TYMS: variants seen among roughly 807,000 people sequenced by gnomAD.
TYMS encodes the protein thymidylate synthase.
A neutral mutation model predicts 39.3 loss-of-function variants in TYMS; 21 were observed. The observed-to-expected ratio is 0.54, with a 90% CI of 0.38 to 0.77. The LOEUF is 0.77. Ranked by LOEUF, TYMS falls within the 30% of genes least tolerant of loss-of-function variation. TYMS has a pLI of 0.00. For synonymous variants in TYMS, 171 were observed against 162.2 expected, an observed-to-expected ratio of 1.05 and a Z score of -0.41; for missense variants, 273 against 406.7, an observed-to-expected ratio of 0.67 and a Z score of 2.83.
chr18:658,332 CCCT>C lies in TYMS; in HGVS notation c.205+391_205+393del. On this transcript the variant is annotated intron_variant, in intron 1 of 6. Transcript: ENST00000323274. This position sits in a 1 kb window ranked among gnomAD's most constrained non-coding sequence, Gnocchi z 4.5. ...CCGGTCTCAAAGTCCTGGCTTTGGCCCCTCCTCCGTTTTCCCCTGTGGACCATT... is the reference window on the plus strand; with the variant it reads ...CCGGTCTCAAAGTCCTGGCTTTGGCCCCTCCGTTTTCCCCTGTGGACCATT... The C allele has an allele frequency of 7.4e-7, 1 of 1,351,038 alleles. No homozygotes were observed. The highest frequency in any genetic ancestry group is 9.8e-7 in the Non-Finnish European group (1 of 1,022,566). 83.7% of individuals were successfully genotyped at this position (1,351,038 alleles called of 1,614,324 possible).
At position 672,846 on chromosome 18, in the gene TYMS, T is replaced by C. The variant is rs758969207; in HGVS notation, c.805-14T>C. The C allele has an allele frequency of 5.2e-6, 8 of 1,549,384 alleles. No individual in the cohort carries two copies. In the East Asian group the frequency reaches 1.4e-4, roughly 26 times the overall value. ...TACAATTATGGCAAAATAATGGCCT[T>C]ATTTTGTTTTTAGCTTCAGCGAGAA... On this transcript the variant is annotated splice_polypyrimidine_tract_variant and intron_variant, in intron 6 of 6. Coordinates refer to ENST00000323274, the MANE Select transcript of TYMS (RefSeq NM_001071.4).
At chr18:672,793 G>T in intron 6 of TYMS, 67 bp from the exon 7 acceptor site, 2 of 1,480,380 alleles carry the variant, frequency 1.4e-6, no homozygotes, top group South Asian at 1.4e-5. Flanking sequence ...CTTGTTTCAC[G>T]GACATGAGGA....
intron 3 of TYMS, chr18:667,597 ATGGTGATGGTGATGGAGATGGGTGATGG>A (rs1598470361): frequency 1.9e-5 from 2 of 104,012 alleles, no homozygotes; most frequent in East Asian, 3.9e-4. Context: ...GGTGATGGTG[ATGGTGATGGTGATGGAGATGGGTGATGG>A]TGATGGTTGC....
Position 658,493 on chromosome 18 carries a change from A to G in TYMS, c.205+546A>G. 5.2e-6 allele frequency: 2 copies of G among 385,726 alleles called. No homozygotes were observed. The highest frequency in any genetic ancestry group is 4.3e-5 in the South Asian group (2 of 46,326). The allele number at this position is 385,726 out of a possible 1,614,324, so 23.9% of individuals were successfully genotyped here. On this transcript the variant is annotated intron_variant, in intron 1 of 6. Transcript: ENST00000323274. The surrounding 1 kb of genome is among the most constrained non-coding windows in gnomAD (Gnocchi z 4.5). Reference sequence around the variant, plus strand: ...GCCTCCCATCCAATCCCCACGAACCAGCTTTCCTCTTAAACCTTGAAAAGA... The same window carrying G: ...GCCTCCCATCCAATCCCCACGAACCGGCTTTCCTCTTAAACCTTGAAAAGA...
rs750740109 is a variant in TYMS at position 658,361 on chromosome 18, C to G, written c.205+414C>G. 2.7e-4 allele frequency: 349 copies of G among 1,296,724 alleles called. 1 individual carries two copies. The highest frequency in any genetic ancestry group is 3.5e-4 in the Non-Finnish European group (343 of 994,000). The allele number at this position is 1,296,724 out of a possible 1,614,324, so 80.3% of individuals were successfully genotyped here. On this transcript the variant is annotated intron_variant, in intron 1 of 6. Coordinates refer to ENST00000323274, the MANE Select transcript of TYMS (RefSeq NM_001071.4). This position sits in a 1 kb window ranked among gnomAD's most constrained non-coding sequence, Gnocchi z 4.5. The stretch of plus-strand genomic sequence containing the variant: ...CCTCCGTTTTCCCCTGTGGACCATT[C>G]CGCTTCGCAGCGTTTTCAAAAACTG...
chr18:671,308 C>A, intron 5 of TYMS, 72 bp from the exon 6 acceptor site: 3 of 1,025,476 alleles, frequency 2.9e-6, no homozygotes, highest in Non-Finnish European at 3.1e-6. Context: ...TCTGCATATT[C>A]TAATGTTTTT....
At position 657,756 on chromosome 18, in the gene TYMS, G is replaced by A. The variant is rs2144250559; in HGVS notation, c.14G>A (p.Gly5Asp). The A allele has an allele frequency of 7.1e-7, 1 of 1,417,474 alleles. No homozygotes were observed. The highest frequency in any genetic ancestry group is 9.1e-7 in the Non-Finnish European group (1 of 1,095,674). The allele number at this position is 1,417,474 out of a possible 1,614,324, so 87.8% of individuals were successfully genotyped here. A position where few individuals can be genotyped will look rare whatever the true frequency, so the allele number is the denominator to read the frequency against. Residue 5 changes from glycine to aspartate, a missense_variant, in exon 1 of 7, where the codon GGC (glycine) becomes GAC (aspartate). Gly to Asp is a moderately conservative substitution (Grantham distance 94). Around this residue, in one of 3 missense-constraint regions of TYMS, gnomAD observed 228 missense variants for 326.1 expected, o/e 0.70. Coordinates refer to ENST00000323274, the MANE Select transcript of TYMS (RefSeq NM_001071.4). Reference protein sequence around the residue: MPVAGSELPRRPLPP... With the variant: MPVADSELPRRPLPP... ...GCCCGCCGCGCCATGCCTGTGGCCG[G>A]CTCGGAGCTGCCGCGCCGGCCCTTG...
Position 670,748 on chromosome 18 carries a change from AAC to A in TYMS, c.615_616del (p.Asn205LysfsTer2). The A allele has an allele frequency of 6.2e-7, 1 of 1,614,102 alleles. No individual in the cohort carries two copies. The highest frequency in any genetic ancestry group is 8.5e-7 in the Non-Finnish European group (1 of 1,180,012). On this transcript the variant is annotated frameshift_variant, in exon 5 of 7. Coordinates refer to ENST00000323274, the MANE Select transcript of TYMS (RefSeq NM_001071.4). LOFTEE classifies it high-confidence loss of function. ...CHALCQFYVV[N>X]SELSCQLYQR... Reference sequence around the variant, plus strand: ...TGCCCTCTGCCAGTTCTATGTGGTGAACAGTGAGCTGTCCTGCCAGCTGTACC... The same window carrying A: ...TGCCCTCTGCCAGTTCTATGTGGTGAAGTGAGCTGTCCTGCCAGCTGTACC...
rs1398586418 is a variant in TYMS, at chr18:658,338, T to G, written c.205+391T>G. 1 of 1,343,816 alleles carries G rather than the reference T, an allele frequency of 7.4e-7. No individual in the cohort carries two copies. The highest frequency in any genetic ancestry group is 9.8e-7 in the Non-Finnish European group (1 of 1,018,332). 83.2% of individuals were successfully genotyped at this position (1,343,816 alleles called of 1,614,324 possible). ...TCAAAGTCCTGGCTTTGGCCCCTCC[T>G]CCGTTTTCCCCTGTGGACCATTCCG... On this transcript the variant is annotated intron_variant, in intron 1 of 6. Coordinates refer to ENST00000323274, the MANE Select transcript of TYMS (RefSeq NM_001071.4). This position sits in a 1 kb window ranked among gnomAD's most constrained non-coding sequence, Gnocchi z 4.5.
chr18:669,366 ATTT>A (rs68090938), intron 4 of TYMS, 193 bp downstream of exon 4: 6,199 of 190,436 alleles, frequency 0.033, no homozygotes, highest in South Asian at 0.065. Flanking sequence ...GGCCCAGAGG[ATTT>A]TTTTTTTTTT....
Position 673,028 on chromosome 18 carries a change from T to A in TYMS, c.*31T>A. On this transcript the variant is annotated 3_prime_UTR_variant, in exon 7 of 7. Coordinates refer to ENST00000323274, the MANE Select transcript of TYMS (RefSeq NM_001071.4). Reference sequence around the variant, plus strand: ...TTTCAAAGGAGCTCGAAGGATATTGTCAGTCTTTAGGGGTTGGGCTGGATG... The same window carrying A: ...TTTCAAAGGAGCTCGAAGGATATTGACAGTCTTTAGGGGTTGGGCTGGATG... 6.6e-7 allele frequency: 1 copy of A among 1,520,412 alleles called. No homozygotes were observed. The highest frequency in any genetic ancestry group is 9.0e-7 in the Non-Finnish European group (1 of 1,115,864). 94.2% of individuals were successfully genotyped at this position (1,520,412 alleles called of 1,614,324 possible).
At chr18:669,312 C>A in intron 4 of TYMS, 139 bp downstream of exon 4, 1 of 609,134 alleles carries the variant, frequency 1.6e-6, no homozygotes, top group Non-Finnish European at 2.9e-6. Context: ...TGACGTTGGG[C>A]AAGTCACATT....
chr18:671,650 G>A (rs2075056249), intron 6 of TYMS, 199 bp downstream of exon 6: 1 of 598,504 alleles, frequency 1.7e-6, no homozygotes, highest in South Asian at 2.0e-5. Flanking sequence ...CACTTAACAT[G>A]TCAGGTGCTG....
chr18:661,275 C>G (rs1364174656), intron 2 of TYMS, among the ~76,000 whole-genome samples: 1 of 152,188 alleles, frequency 6.6e-6, no homozygotes, highest in African/African-American at 2.4e-5. Context: ...TCCCCTGTTT[C>G]AACTTAATGC....
chr18:668,857 TTG>T (rs2074917011), intron 3 of TYMS, among the ~76,000 whole-genome samples: 1 of 151,642 alleles, frequency 6.6e-6, no homozygotes. Flanking sequence ...GAAAAAGACT[TTG>T]TTAGGGCTCC....
rs2074699132 is a variant in TYMS, at chr18:657,679, C to T, written c.-64C>T. The T allele has an allele frequency of 9.3e-6, 11 of 1,184,140 alleles. No homozygotes were observed. The highest frequency in any genetic ancestry group is 1.2e-5 in the Non-Finnish European group (11 of 922,586). The allele number at this position is 1,184,140 out of a possible 1,614,324, so 73.4% of individuals were successfully genotyped here. A position where few individuals can be genotyped will look rare whatever the true frequency, so the allele number is the denominator to read the frequency against. ...CTTGGCCTGCCTCCGTCCCGCCGCG[C>T]CACTTGGCCTGCCTCCGTCCCGCCG... is the stretch of plus-strand genomic sequence containing the variant. On this transcript the variant is annotated 5_prime_UTR_variant, in exon 1 of 7. Transcript: ENST00000323274.
In TYMS at chr18:667,471, ATGGTGATGGTGATGGTGATGGT is replaced by A. The variant is rs2074873609; in HGVS notation, c.455-1600_455-1579del. On this transcript the variant is annotated intron_variant, in intron 3 of 6. Transcript: ENST00000323274. ...GGTGATGGTGATGATGGAGATGGTGATGGTGATGGTGATGGTGATGGTGATGGAGATGGTGATGGTGATGGTG... is the reference window on the plus strand; with the variant it reads ...GGTGATGGTGATGATGGAGATGGTGAGATGGAGATGGTGATGGTGATGGTG... Among the ~76,000 whole-genome samples, 6 of 16,566 alleles carry A rather than the reference ATGGTGATGGTGATGGTGATGGT, an allele frequency of 3.6e-4. 1 individual carries two copies. Among genetic ancestry groups the A allele is most frequent in the Admixed American group, 7.5e-4 (2 of 2,658 alleles). The allele number at this position is 16,566 out of a possible 152,430, so 10.9% of individuals were successfully genotyped here.
intron 3 of TYMS, among the ~76,000 whole-genome samples, chr18:664,625 GC>G (rs1450896852): frequency 1.4e-5 from 2 of 140,430 alleles, no homozygotes; most frequent in African/African-American, 5.6e-5. Flanking sequence ...TCCAGTTTTT[GC>G]CCATTCAGTA....
intron 5 of TYMS, 108 bp from the exon 6 acceptor site, chr18:671,272 A>AT (rs945280669): frequency 1.6e-5 from 13 of 809,512 alleles, no homozygotes; most frequent in East Asian, 1.5e-4. Context: ...ACACTAAATT[A>AT]TTTTTTTAAA....
Sources: allele counts gnomAD v4.1 joint callset (sites outside exome capture counted in the v4.1 genomes callset), GRCh38; gene constraint gnomAD v4.1.1; regional missense constraint gnomAD v4.1.1; non-coding constraint Gnocchi (gnomAD v3.1); transcripts MANE v1.5; gene names NCBI Gene and HGNC (gene_info 2026-07-23, HGNC 2026-07-21).